The following PLXNA2 variants were observed in gnomAD, a reference collection of about 807,000 sequenced individuals.
PLXNA2 encodes plexin-A2.
A neutral mutation model predicts 193.5 loss-of-function variants in PLXNA2; 91 were observed. The observed-to-expected ratio is 0.47, with a 90% CI of 0.40 to 0.56. The LOEUF (loss-of-function observed/expected upper bound fraction) is 0.56, where lower values mean the gene tolerates loss of function less well. Ranked by LOEUF, PLXNA2 falls within the 20% of genes least tolerant of loss-of-function variation. PLXNA2 has a pLI of 0.00. For missense variants in PLXNA2, 1,995 were observed against 2,503.2 expected, an observed-to-expected ratio of 0.80 and a Z score of 4.33; for synonymous variants, 997 against 1,027.3, an observed-to-expected ratio of 0.97 and a Z score of 0.56.
rs1198279646 is a variant in PLXNA2, at chr1:208,043,073, C to A, written c.4005G>T (p.Leu1335=). 6.2e-7 allele frequency: 1 copy of A among 1,613,668 alleles called. No homozygotes were observed. Among genetic ancestry groups the A allele is most frequent in the Non-Finnish European group, 8.5e-7 (1 of 1,179,992 alleles). The change falls in exon 21 of 32, where the codon CTG becomes CTT. Residue 1335 remains leucine, a synonymous_variant. Transcript: ENST00000367033. ...AGGCAGGCATTACCTCCAGCTCCCG[C>A]AGGACGGGGTGGTCCTCGATGCCCG... The part of the protein sequence containing the change: ...LFPGIEDHPV[L]RELEVQGNGQ...
chr1:208,042,237 G>A lies in PLXNA2; in HGVS notation c.4147C>T (p.Arg1383Trp), dbSNP rs777291583. ...ATGATGAGCGAAGCCACGTTGCCCC[G>A]GTCGCGCATGGAGAAACTGCGCTGC... ...ELQRSFSMRD[R>W]GNVASLIMTG... Residue 1383 changes from arginine (R) to tryptophan (W), a missense_variant, in exon 22 of 32, where the codon CGG becomes TGG. Arg to Trp is a moderately radical substitution (Grantham distance 101). This residue lies in a region of PLXNA2 where 1,291 missense variants were observed against 1,673.6 expected (regional missense o/e 0.77). Transcript: ENST00000367033. 3 of 1,614,232 alleles carry A rather than the reference G, an allele frequency of 1.9e-6. No homozygotes were observed. Among genetic ancestry groups the A allele is most frequent in the South Asian group, 1.1e-5 (1 of 91,082 alleles).
intron 26 of PLXNA2, among the ~76,000 whole-genome samples, chr1:208,036,082 C>A (rs961337551): frequency 1.3e-5 from 2 of 152,136 alleles, no homozygotes; most frequent in Non-Finnish European, 2.9e-5. Context: ...TGCCAAGGCT[C>A]CATTACTTCC....
intron 17 of PLXNA2, among the ~76,000 whole-genome samples, chr1:208,047,779 G>A (rs1025201610): frequency 3.3e-5 from 5 of 152,246 alleles, no homozygotes; most frequent in African/African-American, 1.2e-4. Flanking sequence ...CTTGCATAGA[G>A]ATTATGTCAG....
In PLXNA2 at chr1:208,027,090, C is replaced by T. The variant is rs762070244; in HGVS notation, c.*153G>A. 6.5e-5 allele frequency: 43 copies of T among 665,052 alleles called. No homozygotes were observed. Among genetic ancestry groups the T allele is most frequent in the South Asian group, 1.3e-4 (7 of 52,484 alleles). The allele number at this position is 665,052 out of a possible 1,614,324, so 41.2% of individuals were successfully genotyped here. A position where few individuals can be genotyped will look rare whatever the true frequency, so the allele number is the denominator to read the frequency against. Reference sequence around the variant, plus strand: ...ACTGGCTATGACGAAACTTGGCTGGCGTAGGGAGAGGAGTCCTCCCCTCTC... The same window carrying T: ...ACTGGCTATGACGAAACTTGGCTGGTGTAGGGAGAGGAGTCCTCCCCTCTC... On this transcript the variant is annotated 3_prime_UTR_variant, in exon 32 of 32. Transcript: ENST00000367033.
intron 4 of PLXNA2, among the ~76,000 whole-genome samples, chr1:208,121,439 G>A (rs569998033): frequency 2.8e-4 from 43 of 152,318 alleles, no homozygotes; most frequent in African/African-American, 1.0e-3. Flanking sequence ...ACCTTGAATT[G>A]TAATCAAAGG....
intron 4 of PLXNA2, among the ~76,000 whole-genome samples, chr1:208,128,944 C>G (rs1302165286): frequency 6.6e-6 from 1 of 152,188 alleles, no homozygotes; most frequent in Non-Finnish European, 1.5e-5. Context: ...ATCCACCCGC[C>G]TCAGCCTCGC....
At chr1:208,040,280 A>G in intron 22 of PLXNA2, 3 of 573,870 alleles carry the variant, frequency 5.2e-6, no homozygotes, top group Non-Finnish European at 3.1e-6. Context: ...GAAAATGGAG[A>G]GGTTGGCCTT....
intron 3 of PLXNA2, among the ~76,000 whole-genome samples, chr1:208,204,507 C>T (rs1670653235): frequency 6.6e-6 from 1 of 152,236 alleles, no homozygotes; most frequent in African/African-American, 2.4e-5. Flanking sequence ...ACTCCTCATG[C>T]CACTGCCACG....
chr1:208,106,896 C>T (rs1396245752), intron 4 of PLXNA2, among the ~76,000 whole-genome samples: 2 of 152,208 alleles, frequency 1.3e-5, no homozygotes, highest in African/African-American at 4.8e-5. Flanking sequence ...AGATGAAGAG[C>T]ATTCCAGGTG....
chr1:208,026,166 T>G lies in PLXNA2; in HGVS notation c.*1077A>C, dbSNP rs1431768529. ...AAAGTCAAACACCTATGTCTCCAAA[T>G]CAACTTTCAAATGGAACCTCGTGGA... On this transcript the variant is annotated 3_prime_UTR_variant, in exon 32 of 32. Coordinates refer to ENST00000367033, the MANE Select transcript of PLXNA2 (RefSeq NM_025179.4). 6.6e-6 allele frequency: 1 copy of G among 152,518 alleles called. No homozygotes were observed. Among genetic ancestry groups the G allele is most frequent in the African/African-American group, 2.4e-5 (1 of 41,436 alleles). The allele number at this position is 152,518 out of a possible 1,614,324, so 9.4% of individuals were successfully genotyped here. A position where few individuals can be genotyped will look rare whatever the true frequency, so the allele number is the denominator to read the frequency against.
At position 208,050,994 on chromosome 1, in the gene PLXNA2, C is replaced by A. The variant is rs749413217; in HGVS notation, c.3255+15G>T. ...TGTGTTTACCAAAGGCTGGGGCAGA[C>A]CAACAGTTACTCACATTGACAGATT... On this transcript the variant is annotated intron_variant, in intron 17 of 31. Coordinates refer to ENST00000367033, the MANE Select transcript of PLXNA2 (RefSeq NM_025179.4). 3.1e-6 allele frequency: 5 copies of A among 1,590,068 alleles called. No homozygotes were observed. In the East Asian group the frequency reaches 8.9e-5, roughly 28 times the overall value.
rs147924362 is a variant in PLXNA2 at position 208,211,359 on chromosome 1, G to A, written c.1189-897C>T. Among the ~76,000 whole-genome samples the A allele has an allele frequency of 1.1e-3, 161 of 152,212 alleles. No individual in the cohort carries two copies. The Middle Eastern group carries it at 0.014, about 13-fold the overall frequency. ...GCTCCATAATGTATCTGTCAGCAGCGACTGGAGCATGTTTGAAAGAAGATC... is the reference window on the plus strand; with the variant it reads ...GCTCCATAATGTATCTGTCAGCAGCAACTGGAGCATGTTTGAAAGAAGATC... On this transcript the variant is annotated intron_variant, in intron 2 of 31. Coordinates refer to ENST00000367033, the MANE Select transcript of PLXNA2 (RefSeq NM_025179.4).
At chr1:208,145,323 C>G (rs1244769694) in intron 3 of PLXNA2, among the ~76,000 whole-genome samples, 1 of 152,206 alleles carries the variant, frequency 6.6e-6, no homozygotes, top group Admixed American at 6.5e-5. Context: ...CCTCAAGGTG[C>G]TGGCTGCGTC....
chr1:208,106,151 G>A (rs981792171), intron 4 of PLXNA2, among the ~76,000 whole-genome samples: 5 of 151,530 alleles, frequency 3.3e-5, no homozygotes, highest in African/African-American at 1.2e-4. Flanking sequence ...AGGGGGGGTG[G>A]TCTAAAACTT....
chr1:208,200,577 C>CTTTTTTTTTTTTTTT, intron 3 of PLXNA2, among the ~76,000 whole-genome samples: 1 of 113,994 alleles, frequency 8.8e-6, no homozygotes, highest in African/African-American at 3.3e-5. Flanking sequence ...CCCAATCCTT[C>CTTTTTTTTTTTTTTT]TTTTTTTTTT....
chr1:208,240,057 G>A (rs1032640040), intron 1 of PLXNA2, among the ~76,000 whole-genome samples: 8 of 152,222 alleles, frequency 5.3e-5, no homozygotes, highest in African/African-American at 1.7e-4. Flanking sequence ...TTAACCAACT[G>A]TAGAAGCAGA....
Position 208,079,341 on chromosome 1 carries a change from G to T in PLXNA2, c.2505C>A (p.His835Gln). The change falls in exon 12 of 32, where the codon CAC becomes CAA. Residue 835 changes from histidine to glutamine, a missense_variant. By Grantham distance (24) the His-to-Gln change is conservative. Around this residue, in one of 3 missense-constraint regions of PLXNA2, gnomAD observed 1,291 missense variants for 1,673.6 expected, o/e 0.77. Coordinates refer to ENST00000367033, the MANE Select transcript of PLXNA2 (RefSeq NM_025179.4). ...WCSGERRCTL[H>Q]QHCTSPSSPW... The stretch of plus-strand genomic sequence containing the variant: ...GGCTGGAAGGGCTGGTACAGTGCTG[G>T]TGGAGGGTGCACCTGCGCTCGCCGC... 6.2e-7 allele frequency: 1 copy of T among 1,614,034 alleles called. No individual in the cohort carries two copies. The highest frequency in any genetic ancestry group is 8.5e-7 in the Non-Finnish European group (1 of 1,179,924).
intron 12 of PLXNA2, 26 bp from the exon 13 acceptor site, chr1:208,060,863 A>G (rs1215465325): frequency 1.9e-6 from 3 of 1,611,312 alleles, no homozygotes; most frequent in African/African-American, 1.3e-5. Context: ...GGGATTAGCA[A>G]TTTGGTTTGG....
intron 12 of PLXNA2, among the ~76,000 whole-genome samples, chr1:208,073,975 G>A (rs1270776563): frequency 6.6e-6 from 1 of 152,168 alleles, no homozygotes; most frequent in African/African-American, 2.4e-5. Context: ...TTGAAGTTCA[G>A]ACCTCCAAAT....
Sources: gnomAD v4.1 joint callset for allele counts (sites outside exome capture counted in the v4.1 genomes callset) on GRCh38, gnomAD v4.1.1 for gene constraint, gnomAD v4.1.1 regional missense constraint, MANE v1.5 for transcripts, NCBI Gene and HGNC (gene_info 2026-07-23, HGNC 2026-07-21) for gene names.